SPTBN2: variants seen among roughly 807,000 people sequenced by gnomAD.
SPTBN2 encodes spectrin beta, non-erythrocytic 2.
Under a neutral mutation model 284.2 loss-of-function variants are expected in SPTBN2, and 107 were observed. The ratio of observed to expected loss-of-function variants is 0.38; its 90% CI spans 0.32 to 0.44. The LOEUF is 0.44. Among genes scored for constraint, SPTBN2 ranks in the 20% least tolerant of loss-of-function variants. The pLI is 1.00. For synonymous variants in SPTBN2, 1,289 were observed against 1,354.8 expected (o/e 0.95, Z 1.07); for missense variants, 2,569 against 3,287.1 (o/e 0.78, Z 5.34).
At position 66,715,778 on chromosome 11, in the gene SPTBN2, C is replaced by T; in HGVS notation, c.309+52G>A. 6.2e-7 allele frequency: 1 copy of T among 1,606,322 alleles called. No homozygotes were observed. The highest frequency in any genetic ancestry group is 1.7e-4 in the Middle Eastern group (1 of 5,934). On this transcript the variant is annotated intron_variant, in intron 4 of 37. Coordinates refer to ENST00000533211, the MANE Select transcript of SPTBN2 (RefSeq NM_006946.4). The surrounding 1 kb of genome is among the most constrained non-coding windows in gnomAD (Gnocchi z 5.3). ...TGAGGGCTGTTCTTCCAGCTGGTCC[C>T]CTTGGACACTTTTCTAAGGCCCCCC...
intron 1 of SPTBN2, among the ~76,000 whole-genome samples, chr11:66,722,281 A>T (rs1422707041): frequency 6.6e-6 from 1 of 152,110 alleles, no homozygotes; most frequent in Non-Finnish European, 1.5e-5. Flanking sequence ...GCTGCACAAA[A>T]GATATTAAGT....
At chr11:66,694,887 G>A (rs1197788090) in intron 21 of SPTBN2, among the ~76,000 whole-genome samples, 1 of 152,184 alleles carries the variant, frequency 6.6e-6, no homozygotes, top group Non-Finnish European at 1.5e-5. Context: ...GGCATTCCAC[G>A]GTTCCAAGGT....
chr11:66,720,298 G>A (rs1456888799), intron 3 of SPTBN2, among the ~76,000 whole-genome samples: 1 of 152,170 alleles, frequency 6.6e-6, no homozygotes, highest in Non-Finnish European at 1.5e-5. Context: ...GCAGGTCAAT[G>A]GCAATGACAA....
rs777928666 is a variant in SPTBN2, at chr11:66,711,058, C to T, written c.773-29G>A. The stretch of plus-strand genomic sequence containing the variant: ...CAAGAGAGGACCATTTGGGTCAGGC[C>T]TCCCAGAAGTTCATCCATAACTTGC... On this transcript the variant is annotated intron_variant, in intron 8 of 37. Transcript: ENST00000533211. 14 of 1,591,004 alleles carry T rather than the reference C, an allele frequency of 8.8e-6. No homozygotes were observed. In the South Asian group the frequency reaches 1.3e-4, roughly 15 times the overall value.
intron 3 of SPTBN2, among the ~76,000 whole-genome samples, chr11:66,720,134 A>G (rs1016303757): frequency 6.6e-6 from 1 of 152,122 alleles, no homozygotes; most frequent in African/African-American, 2.4e-5. Flanking sequence ...TCCCTGGGTG[A>G]TCCTGTAAAA....
chr11:66,730,577 T>C (rs932544146), upstream of SPTBN2, among the ~76,000 whole-genome samples: 2 of 142,298 alleles, frequency 1.4e-5, no homozygotes, highest in African/African-American at 5.3e-5. Flanking sequence ...CGAGACTCCA[T>C]CTCCAAAAAA....
At position 66,693,692 on chromosome 11, in the gene SPTBN2, G is replaced by A; in HGVS notation, c.4593+80C>T. On this transcript the variant is annotated intron_variant, in intron 23 of 37. Transcript: ENST00000533211. The surrounding 1 kb of genome is among the most constrained non-coding windows in gnomAD (Gnocchi z 5.7). ...CAGGGTTACACTCAGCATCGAGGGGGGCCTGGTCTTAAGAAAAAACACGTC... is the reference window on the plus strand; with the variant it reads ...CAGGGTTACACTCAGCATCGAGGGGAGCCTGGTCTTAAGAAAAAACACGTC... The A allele has an allele frequency of 7.1e-7, 1 of 1,415,126 alleles. No homozygotes were observed. Among genetic ancestry groups the A allele is most frequent in the Non-Finnish European group, 9.8e-7 (1 of 1,023,366 alleles). The allele number at this position is 1,415,126 out of a possible 1,614,324, so 87.7% of individuals were successfully genotyped here.
Position 66,693,987 on chromosome 11 carries a change from G to T in SPTBN2, c.4504-126C>A. 1.5e-6 allele frequency: 2 copies of T among 1,305,110 alleles called. No individual in the cohort carries two copies. The highest frequency in any genetic ancestry group is 2.1e-6 in the Non-Finnish European group (2 of 932,418). 80.8% of individuals were successfully genotyped at this position (1,305,110 alleles called of 1,614,324 possible). ...TGGGGAACAGTCATCTCTGGTTCTG[G>T]GAGGCATCTCCAAGTCTCCCTATAG... On this transcript the variant is annotated intron_variant, in intron 22 of 37. Coordinates refer to ENST00000533211, the MANE Select transcript of SPTBN2 (RefSeq NM_006946.4). The surrounding 1 kb of genome is among the most constrained non-coding windows in gnomAD (Gnocchi z 5.7).
intron 3 of SPTBN2, among the ~76,000 whole-genome samples, chr11:66,719,298 C>T (rs182622708): frequency 3.9e-5 from 6 of 152,374 alleles, no homozygotes; most frequent in Non-Finnish European, 7.3e-5. Context: ...CTCTGGCCCA[C>T]CAGGGCCATC....
At position 66,683,346 on chromosome 11, in the gene SPTBN2, G is replaced by A. The variant is rs748228515; in HGVS notation, c.*2525C>T. On this transcript the variant is annotated 3_prime_UTR_variant, in exon 38 of 38. Coordinates refer to ENST00000533211, the MANE Select transcript of SPTBN2 (RefSeq NM_006946.4). Reference sequence around the variant, plus strand: ...CTCCCAAAGTGCTGGGATTACAGGCGTGAGCCACCGCGCCCGGCCCAAGTA... The same window carrying A: ...CTCCCAAAGTGCTGGGATTACAGGCATGAGCCACCGCGCCCGGCCCAAGTA... Among the ~76,000 whole-genome samples, 15 of 152,184 alleles carry A rather than the reference G, an allele frequency of 9.9e-5. No individual in the cohort carries two copies. Among genetic ancestry groups the A allele is most frequent in the Admixed American group, 4.6e-4 (7 of 15,284 alleles).
chr11:66,743,933 T>C (rs868700675), intron 1 of SPTBN2, among the ~76,000 whole-genome samples: 1 of 152,060 alleles, frequency 6.6e-6, no homozygotes, highest in South Asian at 2.1e-4. Context: ...CGATCTCGGC[T>C]CACTGCAACC....
chr11:66,695,744 GTT>G, intron 21 of SPTBN2, among the ~76,000 whole-genome samples: 1 of 146,060 alleles, frequency 6.8e-6, no homozygotes. Flanking sequence ...TTATACTTCT[GTT>G]TTTTTTTTTG....
rs758147971 is a variant in SPTBN2, at chr11:66,700,680, C to T, written c.3419G>A (p.Cys1140Tyr). 1 of 1,606,354 alleles carries T rather than the reference C, an allele frequency of 6.2e-7. No homozygotes were observed. The highest frequency in any genetic ancestry group is 8.5e-7 in the Non-Finnish European group (1 of 1,179,896). The change falls in exon 17 of 38, where the codon TGC becomes TAC. Residue 1140 changes from cysteine (C) to tyrosine (Y), a missense_variant. Around this residue, in one of 6 missense-constraint regions of SPTBN2, gnomAD observed 1,012 missense variants for 1,248.9 expected, o/e 0.81. Coordinates refer to ENST00000533211, the MANE Select transcript of SPTBN2 (RefSeq NM_006946.4). This position sits in a 1 kb window ranked among gnomAD's most constrained non-coding sequence, Gnocchi z 6.6. ...EVTRDQADPQ[C>Y]LFLRQRLEAL... ...CTCCAGTCGCTGTCGTAGGAAGAGG[C>T]ACTGGGGGTCAGCCTGGTCCCGGGT...
At chr11:66,742,861 G>C (rs1942905830) in intron 1 of SPTBN2, among the ~76,000 whole-genome samples, 1 of 152,056 alleles carries the variant, frequency 6.6e-6, no homozygotes, top group South Asian at 2.1e-4. Flanking sequence ...CCACCCACCT[G>C]GGCCTCCCAA....
chr11:66,701,108 C>T lies in SPTBN2; in HGVS notation c.2991G>A (p.Leu997=). 3.1e-6 allele frequency: 5 copies of T among 1,612,972 alleles called. No homozygotes were observed. The highest frequency in any genetic ancestry group is 4.2e-6 in the Non-Finnish European group (5 of 1,180,038). ...LGNDLAGVLA[L]QRKLAGTERD... ...GCTCCGTGCCGGCCAGCTTGCGCTGCAGGGCCAGCACCCCAGCCAGATCGT... is the reference window on the plus strand; with the variant it reads ...GCTCCGTGCCGGCCAGCTTGCGCTGTAGGGCCAGCACCCCAGCCAGATCGT... Residue 997 remains leucine (L), a synonymous_variant, in exon 17 of 38, where the codon CTG becomes CTA. Transcript: ENST00000533211.
rs1565126727 is a variant in SPTBN2, at chr11:66,699,470, G to C, written c.3712C>G (p.Leu1238Val). The C allele has an allele frequency of 1.2e-6, 2 of 1,614,016 alleles. No individual in the cohort carries two copies. The highest frequency in any genetic ancestry group is 1.3e-5 in the African/African-American group (1 of 74,890). The change falls in exon 18 of 38, where the codon CTG becomes GTG. Residue 1238 changes from leucine (L) to valine (V), a missense_variant. Transcript: ENST00000533211. The stretch of plus-strand genomic sequence containing the variant: ...GCGTGGATGTTGCCTTCAGATACCA[G>C]CTGGCGGCCAGCCTCCAGGAGCCCG... ...IHGLLEAGRQ[L>V]VSEGNIHADK... is the part of the protein sequence containing the mutation.
In SPTBN2 at chr11:66,685,809, TCGA is replaced by T. The variant is rs1940066565; in HGVS notation, c.*59_*61del. 6.5e-7 allele frequency: 1 copy of T among 1,532,622 alleles called. No individual in the cohort carries two copies. The highest frequency in any genetic ancestry group is 9.0e-7 in the Non-Finnish European group (1 of 1,108,918). The allele number at this position is 1,532,622 out of a possible 1,614,324, so 94.9% of individuals were successfully genotyped here. ...TGTCCTGACAAGAGGGCGGTCCCTG[TCGA>T]CTGTCCCTGGCAGTTTCCTGAACGG... On this transcript the variant is annotated 3_prime_UTR_variant, in exon 38 of 38. Transcript: ENST00000533211. This position sits in a 1 kb window ranked among gnomAD's most constrained non-coding sequence, Gnocchi z 4.4.
Position 66,688,275 on chromosome 11 carries a change from C to G in SPTBN2, c.6268G>C (p.Glu2090Gln). ...GGCTGTTTCCGCCGCTCCTCCTCCT[C>G]CCTCTTTCTCTTTCGCTCCTTCTCC... ...EREKERKRKR[E>Q]EEERRKQPPA... The change falls in exon 32 of 38, where the codon GAG (glutamate) becomes CAG (glutamine). Residue 2090 changes from glutamate to glutamine, a missense_variant. Around this residue, in one of 6 missense-constraint regions of SPTBN2, gnomAD observed 1,130 missense variants for 1,317.3 expected, o/e 0.86. Transcript: ENST00000533211. 1 of 1,611,458 alleles carries G rather than the reference C, an allele frequency of 6.2e-7. No homozygotes were observed. The highest frequency in any genetic ancestry group is 8.5e-7 in the Non-Finnish European group (1 of 1,179,012).
At chr11:66,737,508 C>G (rs962990990) in intron 1 of SPTBN2, among the ~76,000 whole-genome samples, 4 of 152,116 alleles carry the variant, frequency 2.6e-5, no homozygotes, top group African/African-American at 9.7e-5. Flanking sequence ...ACAGGCAGAT[C>G]TGGGACCAAT....
Sources: allele counts gnomAD v4.1 joint callset (sites outside exome capture counted in the v4.1 genomes callset), GRCh38; gene constraint gnomAD v4.1.1; regional missense constraint gnomAD v4.1.1; non-coding constraint Gnocchi (gnomAD v3.1); transcripts MANE v1.5; gene names NCBI Gene and HGNC (gene_info 2026-07-23, HGNC 2026-07-21).